Variants in OSBP2 observed in about 807,000 individuals in gnomAD.
OSBP2 encodes the protein oxysterol binding protein 2, also known as oxysterol-binding protein 2.
A neutral mutation model predicts 96.0 loss-of-function variants in OSBP2; 66 were observed. That is an observed-to-expected ratio of 0.69 (90% CI 0.56 to 0.84). The LOEUF is 0.84. Ranked by LOEUF, OSBP2 falls within the 40% of genes least tolerant of loss-of-function variation. The pLI is 0.00. For synonymous variants in OSBP2, 525 were observed against 520.9 expected (o/e 1.01, Z -0.11); for missense variants, 1,038 against 1,222.7 (o/e 0.85, Z 2.25).
rs192060168 is a variant in OSBP2 at position 30,713,757 on chromosome 22, T to C, written c.644+18204T>C. Among the ~76,000 whole-genome samples the C allele has an allele frequency of 1.4e-3, 212 of 152,280 alleles. 2 individuals carry two copies. In the South Asian group the frequency reaches 0.016, roughly 11 times the overall value. On this transcript the variant is annotated intron_variant, in intron 1 of 13. Coordinates refer to ENST00000332585, the MANE Select transcript of OSBP2 (RefSeq NM_030758.4). ...AGATTACAGATGTGAGCTATTACAG[T>C]CAACCTAAAATTGTTTTCATTGACA...
intron 2 of OSBP2, among the ~76,000 whole-genome samples, chr22:30,805,236 A>C (rs2090912261): frequency 6.6e-6 from 1 of 152,258 alleles, no homozygotes; most frequent in Non-Finnish European, 1.5e-5. Context: ...AACGTGCATG[A>C]AAAATATGAA....
At chr22:30,741,905 T>C in intron 2 of OSBP2, among the ~76,000 whole-genome samples, 1 of 151,150 alleles carries the variant, frequency 6.6e-6, no homozygotes, top group East Asian at 2.0e-4. Flanking sequence ...CTGCAACCTC[T>C]GCCTTCCGTG....
In OSBP2 at chr22:30,854,713, G is replaced by A. The variant is rs190175670; in HGVS notation, c.854-15716G>A. On this transcript the variant is annotated intron_variant, in intron 2 of 13. Coordinates refer to ENST00000332585, the MANE Select transcript of OSBP2 (RefSeq NM_030758.4). ...TCTTCTTGCCTTTGTCTGGATTTGA[G>A]CTTTTATTTGGTATGCTTTTCTTTC... Among the ~76,000 whole-genome samples the A allele has an allele frequency of 4.1e-3, 625 of 150,904 alleles. 2 individuals carry two copies. The highest frequency in any genetic ancestry group is 7.1e-3 in the Non-Finnish European group (482 of 67,890).
chr22:30,749,328 G>A (rs2090044614), intron 2 of OSBP2, among the ~76,000 whole-genome samples: 1 of 152,140 alleles, frequency 6.6e-6, no homozygotes. Context: ...CATAAGTTCT[G>A]AGTCTTTAGT....
At chr22:30,905,806 G>GCCACCGCCACCGCCACCA (rs747981484) in intron 12 of OSBP2, 31 bp from the exon 13 acceptor site, 5 of 1,598,730 alleles carry the variant, frequency 3.1e-6, no homozygotes, top group African/African-American at 1.3e-5. Context: ...TCACACCGCA[G>GCCACCGCCACCGCCACCA]CCACCGCCAC....
rs1473302919 is a variant in OSBP2 at position 30,881,472 on chromosome 22, G to A, written c.1108-5954G>A. Among the ~76,000 whole-genome samples, 1 of 152,166 alleles carries A rather than the reference G, an allele frequency of 6.6e-6. No individual in the cohort carries two copies. Among genetic ancestry groups the A allele is most frequent in the Admixed American group, 6.5e-5 (1 of 15,284 alleles). Reference sequence around the variant, plus strand: ...TGTGCGGGTAGGGGGCTTCAGGTCAGCCCGTCTCTCCTCCTGCTCACAGCT... The same window carrying A: ...TGTGCGGGTAGGGGGCTTCAGGTCAACCCGTCTCTCCTCCTGCTCACAGCT... On this transcript the variant is annotated intron_variant, in intron 3 of 13. Coordinates refer to ENST00000332585, the MANE Select transcript of OSBP2 (RefSeq NM_030758.4). The surrounding 1 kb of genome is among the most constrained non-coding windows in gnomAD (Gnocchi z 4.5).
chr22:30,701,587 C>T (rs373970101), intron 1 of OSBP2, among the ~76,000 whole-genome samples: 13 of 152,080 alleles, frequency 8.5e-5, no homozygotes, highest in Admixed American at 6.6e-4. Flanking sequence ...TTGTGATCCG[C>T]CCGCCTCGGC....
At chr22:30,894,145 G>C (rs2040014924) in intron 12 of OSBP2, 144 bp downstream of exon 12, 1 of 649,998 alleles carries the variant, frequency 1.5e-6, no homozygotes. Flanking sequence ...CGACATCCCA[G>C]TGTGAAGGCA....
chr22:30,819,305 A>C (rs1370618616), intron 2 of OSBP2, among the ~76,000 whole-genome samples: 1 of 152,194 alleles, frequency 6.6e-6, no homozygotes, highest in African/African-American at 2.4e-5. Flanking sequence ...ACTGGACTCC[A>C]GCCTGGATGA....
intron 2 of OSBP2, among the ~76,000 whole-genome samples, chr22:30,865,473 G>C (rs1325335997): frequency 6.6e-6 from 1 of 151,712 alleles, no homozygotes; most frequent in Non-Finnish European, 1.5e-5. Context: ...CTACGCTGAA[G>C]ATACAAAAAT....
At chr22:30,862,844 G>T (rs1180199054) in intron 2 of OSBP2, among the ~76,000 whole-genome samples, 1 of 144,338 alleles carries the variant, frequency 6.9e-6, no homozygotes, top group African/African-American at 2.6e-5. Context: ...GTGGTGGCGG[G>T]CGCCTGTAAT....
At chr22:30,726,747 G>A (rs535188574) in intron 1 of OSBP2, among the ~76,000 whole-genome samples, 3 of 152,198 alleles carry the variant, frequency 2.0e-5, no homozygotes, top group Non-Finnish European at 4.4e-5. Context: ...TACATTAGAA[G>A]TGTCCTTGTA....
intron 1 of OSBP2, among the ~76,000 whole-genome samples, chr22:30,707,955 T>A (rs2089281941): frequency 6.6e-6 from 1 of 151,812 alleles, no homozygotes; most frequent in Non-Finnish European, 1.5e-5. Flanking sequence ...TGGTGCAGTC[T>A]TGGCTCACTG....
intron 1 of OSBP2, among the ~76,000 whole-genome samples, chr22:30,730,851 C>T (rs2089767831): frequency 7.6e-6 from 1 of 130,726 alleles, no homozygotes; most frequent in African/African-American, 2.9e-5. Context: ...GGAAGGGCTT[C>T]TGGAAAACAT....
chr22:30,843,784 G>T (rs897066931), intron 2 of OSBP2, among the ~76,000 whole-genome samples: 1 of 152,024 alleles, frequency 6.6e-6, no homozygotes, highest in Non-Finnish European at 1.5e-5. Context: ...GGGAGGATCA[G>T]TTGAGCCCAG....
chr22:30,906,330 C>T lies in OSBP2; in HGVS notation c.2742C>T (p.Asn914=). 6.2e-7 allele frequency: 1 copy of T among 1,607,800 alleles called. No individual in the cohort carries two copies. Among genetic ancestry groups the T allele is most frequent in the Non-Finnish European group, 8.5e-7 (1 of 1,176,174 alleles). The change falls in exon 14 of 14, where the codon AAC becomes AAT. Residue 914 remains asparagine (N), a synonymous_variant. Transcript: ENST00000332585. ...KEKQDWHMCP[N]IF ...AGCAAGACTGGCATATGTGCCCCAA[C>T]ATCTTCTGAGCGCCACCCTTGCAAC... is the stretch of plus-strand genomic sequence containing the variant.
intron 2 of OSBP2, among the ~76,000 whole-genome samples, chr22:30,760,346 G>GA (rs1349728275): frequency 6.6e-6 from 1 of 152,130 alleles, no homozygotes; most frequent in Admixed American, 6.5e-5. Flanking sequence ...GATAGTGTAA[G>GA]AAAAGAAAAC....
chr22:30,837,302 T>C, intron 2 of OSBP2, among the ~76,000 whole-genome samples: 1 of 151,168 alleles, frequency 6.6e-6, no homozygotes, highest in East Asian at 2.0e-4. Flanking sequence ...CCCATAACCC[T>C]AATGGACCTT....
chr22:30,730,768 C>CTATA (rs2089751466), intron 1 of OSBP2, among the ~76,000 whole-genome samples: 4 of 32,564 alleles, frequency 1.2e-4, no homozygotes, highest in Non-Finnish European at 1.7e-4. Flanking sequence ...CTCTCTCTCT[C>CTATA]TCTCTCTATA....
Sources: gnomAD v4.1 joint callset for allele counts (sites outside exome capture counted in the v4.1 genomes callset) on GRCh38, gnomAD v4.1.1 for gene constraint, Gnocchi (gnomAD v3.1) non-coding constraint, MANE v1.5 for transcripts, NCBI Gene and HGNC (gene_info 2026-07-23, HGNC 2026-07-21) for gene names.